RAB40C: variants seen among roughly 807,000 people sequenced by gnomAD.
RAB40C encodes the protein RAB40C, member RAS oncogene family, also known as ras-related protein Rab-40C.
RAB40C carries 8 observed loss-of-function variants against 28.1 expected under a neutral mutation model. That is an observed-to-expected ratio of 0.28 (90% CI 0.17 to 0.51). RAB40C has a LOEUF of 0.51. Ranked by LOEUF, RAB40C falls within the 20% of genes least tolerant of loss-of-function variation. The pLI is 0.97. For missense variants in RAB40C, 288 were observed against 405.9 expected, an observed-to-expected ratio of 0.71 and a Z score of 2.50; for synonymous variants, 201 against 171.7, an observed-to-expected ratio of 1.17 and a Z score of -1.34.
At chr16:596,149 G>A (rs776689384) in intron 1 of RAB40C, among the ~76,000 whole-genome samples, 11 of 152,254 alleles carry the variant, frequency 7.2e-5, no homozygotes, top group African/African-American at 1.9e-4. Flanking sequence ...GGGTGGTGTG[G>A]ACACAGATGA....
rs761942566 is a variant in RAB40C at position 590,306 on chromosome 16, C to A, written c.15C>A (p.Gly5=). MGSQ[G]SPVKSYDYLL... ...GCGGCGCGGCCATGGGCTCGCAGGG[C>A]AGTCCGGTGAAGAGCTACGACTACC... Residue 5 remains glycine (G), a synonymous_variant, in exon 1 of 6, where the codon GGC becomes GGA. Coordinates refer to ENST00000248139, the MANE Select transcript of RAB40C (RefSeq NM_021168.5). 1 of 1,559,834 alleles carries A rather than the reference C, an allele frequency of 6.4e-7. No individual in the cohort carries two copies. The highest frequency in any genetic ancestry group is 1.2e-5 in the South Asian group (1 of 86,450).
At chr16:604,671 G>A (rs1213663566) in intron 1 of RAB40C, among the ~76,000 whole-genome samples, 1 of 152,226 alleles carries the variant, frequency 6.6e-6, no homozygotes, top group African/African-American at 2.4e-5. Context: ...AGATCTAAGA[G>A]TGGAATTGCT....
In RAB40C at chr16:607,501, C is replaced by CAAA. The variant is rs536655116; in HGVS notation, c.143-9694_143-9692dup. Among the ~76,000 whole-genome samples the CAAA allele has an allele frequency of 3.4e-3, 339 of 101,000 alleles. 4 individuals carry two copies. The highest frequency in any genetic ancestry group is 9.1e-3 in the African/African-American group (274 of 30,042). 66.3% of individuals were successfully genotyped at this position (101,000 alleles called of 152,430 possible). A position where few individuals can be genotyped will look rare whatever the true frequency, so the allele number is the denominator to read the frequency against. ...CTGGACAACGAGAGTGAAACTGTCT[C>CAAA]AAAAAAAAAAAAAAACGGGGGGCCG... On this transcript the variant is annotated intron_variant, in intron 1 of 5. Coordinates refer to ENST00000248139, the MANE Select transcript of RAB40C (RefSeq NM_021168.5).
At chr16:627,225 G>A in intron 5 of RAB40C, 117 bp from the exon 6 acceptor site, 1 of 1,031,846 alleles carries the variant, frequency 9.7e-7, no homozygotes, top group Non-Finnish European at 1.4e-6. Flanking sequence ...AGCCCAGCCT[G>A]GGAACACCTC....
chr16:609,654 C>T (rs1015632320), intron 1 of RAB40C, among the ~76,000 whole-genome samples: 2 of 152,252 alleles, frequency 1.3e-5, no homozygotes, highest in African/African-American at 4.8e-5. Context: ...AAGAGCCAGA[C>T]GCTGCCAGAG....
rs1211435935 is a variant in RAB40C, at chr16:590,259, A to G, written c.-33A>G. On this transcript the variant is annotated 5_prime_UTR_variant, in exon 1 of 6. Transcript: ENST00000248139. ...CGGCCTCACCCGGCGGTGCTTCGGC[A>G]GGCGGCCGGCGCGGGGCGCAGGCGG... 1.0e-5 allele frequency: 15 copies of G among 1,429,832 alleles called. No individual in the cohort carries two copies. The highest frequency in any genetic ancestry group is 6.1e-5 in the East Asian group (2 of 32,576). 88.6% of individuals were successfully genotyped at this position (1,429,832 alleles called of 1,614,324 possible). A position where few individuals can be genotyped will look rare whatever the true frequency, so the allele number is the denominator to read the frequency against.
chr16:602,456 A>G (rs530752290), intron 1 of RAB40C, among the ~76,000 whole-genome samples: 32 of 151,716 alleles, frequency 2.1e-4, no homozygotes, highest in South Asian at 4.2e-4. Flanking sequence ...TTTTGAGACA[A>G]AGTCTTGCTC....
intron 1 of RAB40C, among the ~76,000 whole-genome samples, chr16:602,224 A>C (rs772193319): frequency 6.6e-6 from 1 of 151,762 alleles, no homozygotes; most frequent in African/African-American, 2.4e-5. Context: ...GAAATATATG[A>C]CAACATTAGC....
At chr16:614,055 T>G (rs990833281) in intron 1 of RAB40C, among the ~76,000 whole-genome samples, 3 of 152,140 alleles carry the variant, frequency 2.0e-5, no homozygotes, top group Admixed American at 6.5e-5. Flanking sequence ...GATGGTGAAC[T>G]GCTAACTCTG....
In RAB40C at chr16:628,050, CGA is replaced by C. The variant is rs1741762787; in HGVS notation, c.*432_*433del. The C allele has an allele frequency of 6.0e-6, 1 of 165,886 alleles. No homozygotes were observed. The highest frequency in any genetic ancestry group is 2.0e-4 in the South Asian group (1 of 5,036). The allele number at this position is 165,886 out of a possible 1,614,324, so 10.3% of individuals were successfully genotyped here. A position where few individuals can be genotyped will look rare whatever the true frequency, so the allele number is the denominator to read the frequency against. ...CTGCGGGGACGCACTTGGGACTCCT[CGA>C]GAGGGGACTCGCGGCCGCGATGGCA... On this transcript the variant is annotated 3_prime_UTR_variant, in exon 6 of 6. Transcript: ENST00000248139.
intron 1 of RAB40C, among the ~76,000 whole-genome samples, chr16:600,228 A>T (rs2036220266): frequency 6.6e-6 from 1 of 152,214 alleles, no homozygotes. Flanking sequence ...CTTCCAGCAG[A>T]TGTGGGTCCT....
chr16:596,138 A>G (rs1751008138), intron 1 of RAB40C, among the ~76,000 whole-genome samples: 1 of 152,252 alleles, frequency 6.6e-6, no homozygotes, highest in Admixed American at 6.5e-5. Context: ...GGTCTCTCGC[A>G]GGGTGGTGTG....
At chr16:594,821 T>C (rs77241726) in intron 1 of RAB40C, among the ~76,000 whole-genome samples, 2 of 139,066 alleles carry the variant, frequency 1.4e-5, no homozygotes, top group African/African-American at 5.3e-5. Context: ...CGTCTTCCTT[T>C]TTTTTTTTTT....
chr16:625,926 G>A lies in RAB40C; in HGVS notation c.370G>A (p.Val124Ile). Residue 124 changes from valine to isoleucine, a missense_variant, in exon 5 of 6, where the codon GTT becomes ATT. By Grantham distance (29) the Val-to-Ile change is conservative. Around this residue, in one of 3 missense-constraint regions of RAB40C, gnomAD observed 153 missense variants for 262.4 expected, o/e 0.58. Coordinates refer to ENST00000248139, the MANE Select transcript of RAB40C (RefSeq NM_021168.5). ...TGCACCCGGAGTCCCCCGGATCTTGGTTGGAAACCGGCTGCACCTGGCCTT... is the reference window on the plus strand; with the variant it reads ...TGCACCCGGAGTCCCCCGGATCTTGATTGGAAACCGGCTGCACCTGGCCTT... The part of the protein sequence containing the change: ...EHAPGVPRIL[V>I]GNRLHLAFKR... The A allele has an allele frequency of 1.2e-6, 2 of 1,613,158 alleles. No homozygotes were observed. The highest frequency in any genetic ancestry group is 1.7e-6 in the Non-Finnish European group (2 of 1,179,898).
chr16:625,742 G>A, intron 4 of RAB40C, 157 bp from the exon 5 acceptor site: 1 of 862,442 alleles, frequency 1.2e-6, no homozygotes, highest in Non-Finnish European at 1.8e-6. Context: ...GCACTGTAGG[G>A]CCTGAGCCCT....
chr16:628,889 C>T lies in RAB40C; in HGVS notation c.*1267C>T, dbSNP rs1015213207. 3 of 152,946 alleles carry T rather than the reference C, an allele frequency of 2.0e-5. No individual in the cohort carries two copies. Among genetic ancestry groups the T allele is most frequent in the Non-Finnish European group, 2.9e-5 (2 of 68,412 alleles). 9.5% of individuals were successfully genotyped at this position (152,946 alleles called of 1,614,324 possible). ...ACCCAGGACCCCCCGTGGTGGACTC[C>T]GCGGCACATGCTTCCCAAGGTGGTC... is the stretch of plus-strand genomic sequence containing the variant. On this transcript the variant is annotated 3_prime_UTR_variant, in exon 6 of 6. Transcript: ENST00000248139.
intron 1 of RAB40C, among the ~76,000 whole-genome samples, chr16:611,009 GTCT>G (rs1224141943): frequency 6.6e-6 from 1 of 152,202 alleles, no homozygotes; most frequent in East Asian, 1.9e-4. Flanking sequence ...TTGTTTCATA[GTCT>G]TCTTACACTT....
intron 3 of RAB40C, among the ~76,000 whole-genome samples, chr16:623,477 G>T (rs568920341): frequency 4.6e-5 from 7 of 151,962 alleles, no homozygotes; most frequent in African/African-American, 1.7e-4. Flanking sequence ...GTGAAACCCT[G>T]TCTCTACTAA....
intron 1 of RAB40C, among the ~76,000 whole-genome samples, chr16:606,842 G>T (rs12149951): frequency 0.18 from 27,738 of 152,150 alleles, 2,734 homozygotes; most frequent in South Asian, 0.26. Flanking sequence ...GTAGTTAATT[G>T]GCCCCACCCA....
Sources: gnomAD v4.1 joint callset for allele counts (sites outside exome capture counted in the v4.1 genomes callset) on GRCh38, gnomAD v4.1.1 for gene constraint, gnomAD v4.1.1 regional missense constraint, MANE v1.5 for transcripts, NCBI Gene and HGNC (gene_info 2026-07-23, HGNC 2026-07-21) for gene names.